SH3D19: variants seen among roughly 807,000 people sequenced by gnomAD.
The protein encoded by SH3D19 is SH3 domain-containing protein 19.
SH3D19 carries 58 observed loss-of-function variants against 112.1 expected under a neutral mutation model. The observed-to-expected ratio is 0.52, with a 90% CI of 0.42 to 0.64. The LOEUF (loss-of-function observed/expected upper bound fraction) is 0.64, where lower values mean the gene tolerates loss of function less well. SH3D19 is among the 30% of genes least tolerant of loss of function. The probability of loss-of-function intolerance (pLI) is 0.00; values close to 1 mark genes in which losing one functional copy is unlikely to be tolerated. For missense variants in SH3D19, 1,090 were observed against 1,263.4 expected (o/e 0.86, Z 2.08); for synonymous variants, 391 against 448.5 (o/e 0.87, Z 1.62).
chr4:151,148,414 C>T (rs6846323), intron 10 of SH3D19, among the ~76,000 whole-genome samples: 108,353 of 152,058 alleles, frequency 0.71, 43,711 homozygotes, highest in Non-Finnish European at 0.91. Flanking sequence ...TTCCAGTTTC[C>T]TCTTATCTTG....
intron 12 of SH3D19, among the ~76,000 whole-genome samples, chr4:151,143,252 ATT>A (rs1329502779): frequency 6.6e-6 from 1 of 151,534 alleles, no homozygotes; most frequent in African/African-American, 2.4e-5. Context: ...AAAAATTCTA[ATT>A]TTTTTTAGCT....
chr4:151,310,823 C>T (rs112958371), intron 1 of SH3D19, among the ~76,000 whole-genome samples: 11 of 151,570 alleles, frequency 7.3e-5, no homozygotes, highest in Admixed American at 2.6e-4. Context: ...CCACCCACCT[C>T]GGCCTCCCAA....
chr4:151,202,204 A>T (rs1764498760), intron 2 of SH3D19, among the ~76,000 whole-genome samples: 1 of 151,938 alleles, frequency 6.6e-6, no homozygotes, highest in Non-Finnish European at 1.5e-5. Context: ...GCGTGGTGGC[A>T]CACACCTGTA....
chr4:151,299,521 G>A (rs926899617), intron 1 of SH3D19, among the ~76,000 whole-genome samples: 49 of 147,170 alleles, frequency 3.3e-4, no homozygotes, highest in African/African-American at 1.1e-3. Flanking sequence ...CGGAGGTTGC[G>A]GTGAGCCGAG....
intron 11 of SH3D19, 104 bp downstream of exon 11, chr4:151,147,818 C>A: frequency 7.0e-7 from 1 of 1,426,142 alleles, no homozygotes; most frequent in Non-Finnish European, 9.4e-7. Context: ...CGTCAAGGGA[C>A]AATTCCACAT....
At chr4:151,292,759 A>C (rs1775429578) in intron 1 of SH3D19, among the ~76,000 whole-genome samples, 1 of 152,156 alleles carries the variant, frequency 6.6e-6, no homozygotes, top group South Asian at 2.1e-4. Flanking sequence ...GTCTTTTACA[A>C]GATACGGATC....
chr4:151,135,231 TC>T, intron 14 of SH3D19, 99 bp from the exon 15 acceptor site: 1 of 907,764 alleles, frequency 1.1e-6, no homozygotes, highest in Non-Finnish European at 1.7e-6. Flanking sequence ...CTGAAATCGA[TC>T]GGTTTAGCTA....
chr4:151,315,483 G>A (rs1729896928), intron 1 of SH3D19, among the ~76,000 whole-genome samples: 1 of 152,156 alleles, frequency 6.6e-6, no homozygotes. Flanking sequence ...TCAGACAAAT[G>A]TATTTCATGC....
intron 1 of SH3D19, among the ~76,000 whole-genome samples, chr4:151,286,333 T>C (rs1343159749): frequency 6.9e-6 from 1 of 144,566 alleles, no homozygotes; most frequent in East Asian, 2.0e-4. Flanking sequence ...ATCAATAAAA[T>C]TGAAAAAAAA....
intron 7 of SH3D19, chr4:151,170,881 T>A (rs1379344878): frequency 6.6e-6 from 1 of 152,246 alleles, no homozygotes; most frequent in African/African-American, 2.4e-5. Context: ...ACACACTTTG[T>A]ACCACCTTTT....
At chr4:151,164,914 C>T (rs1757742827) in intron 8 of SH3D19, among the ~76,000 whole-genome samples, 3 of 152,126 alleles carry the variant, frequency 2.0e-5, no homozygotes, top group Non-Finnish European at 4.4e-5. Flanking sequence ...TTATTTAAAG[C>T]TTTGGTTACT....
intron 1 of SH3D19, among the ~76,000 whole-genome samples, chr4:151,314,823 C>A (rs1449912943): frequency 6.6e-6 from 1 of 152,170 alleles, no homozygotes; most frequent in Non-Finnish European, 1.5e-5. Flanking sequence ...TGCTTCGGTT[C>A]CAACCTCAAA....
chr4:151,166,984 T>C (rs1021959299), intron 7 of SH3D19, among the ~76,000 whole-genome samples: 4 of 152,098 alleles, frequency 2.6e-5, no homozygotes, highest in African/African-American at 7.2e-5. Context: ...TAAAGTACAA[T>C]CCTATTTTAA....
chr4:151,160,097 T>A (rs1322576926), intron 8 of SH3D19, among the ~76,000 whole-genome samples: 1 of 151,064 alleles, frequency 6.6e-6, no homozygotes, highest in Non-Finnish European at 1.5e-5. Context: ...CTTTTTTTTT[T>A]TTTTTTTGAG....
At chr4:151,222,351 T>G (rs1204827709) in intron 2 of SH3D19, among the ~76,000 whole-genome samples, 3 of 152,218 alleles carry the variant, frequency 2.0e-5, no homozygotes, top group Admixed American at 6.5e-5. Context: ...ATTAACAGTT[T>G]CCAATATCTG....
chr4:151,144,603 CACCCAGCACT>C (rs1753604521), intron 11 of SH3D19, among the ~76,000 whole-genome samples: 1 of 152,206 alleles, frequency 6.6e-6, no homozygotes, highest in Non-Finnish European at 1.5e-5. Flanking sequence ...GAAGGAGAAA[CACCCAGCACT>C]TGACCTCACA....
chr4:151,167,801 GGCT>G (rs1489890835), intron 7 of SH3D19, among the ~76,000 whole-genome samples: 3 of 151,428 alleles, frequency 2.0e-5, no homozygotes, highest in African/African-American at 7.3e-5. Flanking sequence ...GCCTCTGCCT[GGCT>G]GCCGCCCCAT....
chr4:151,137,766 A>C lies in SH3D19; in HGVS notation c.2393T>G (p.Ile798Ser). The C allele has an allele frequency of 1.9e-6, 3 of 1,604,874 alleles. No individual in the cohort carries two copies. The highest frequency in any genetic ancestry group is 2.5e-6 in the Non-Finnish European group (3 of 1,176,992). The change falls in exon 14 of 20, where the codon ATT becomes AGT. Residue 798 changes from isoleucine to serine, a missense_variant. Physicochemically the swap from Ile to Ser is moderately radical, Grantham distance 142 (BLOSUM62 -2). Coordinates refer to ENST00000604030, the MANE Select transcript of SH3D19 (RefSeq NM_001378122.1). ...DWYRGNCRNQ[I>S]GIFPANYVKV... ...GACATAGTTGGCAGGAAATATGCCA[A>C]TCTGGTTTCTACAGTTCCCTCTGTA... is the stretch of plus-strand genomic sequence containing the variant.
intron 1 of SH3D19, among the ~76,000 whole-genome samples, chr4:151,322,682 C>T (rs1162783313): frequency 6.6e-6 from 1 of 152,150 alleles, no homozygotes; most frequent in Non-Finnish European, 1.5e-5. Flanking sequence ...TTCTTAACAT[C>T]ATTTTAAAAA....
Sources: allele counts gnomAD v4.1 joint callset (sites outside exome capture counted in the v4.1 genomes callset), GRCh38; gene constraint gnomAD v4.1.1; transcripts MANE v1.5; gene names NCBI Gene and HGNC (gene_info 2026-07-23, HGNC 2026-07-21).